Variants in SLC43A3 observed in about 807,000 individuals in gnomAD.
The protein encoded by SLC43A3 is solute carrier family 43 member 3, also known as equilibrative nucleobase transporter 1.
In SLC43A3, 33 loss-of-function variants were observed where a neutral mutation model predicts 53.3. The observed-to-expected ratio is 0.62, with a 90% CI of 0.47 to 0.83. SLC43A3 has a LOEUF of 0.83. SLC43A3 is among the 40% of genes least tolerant of loss of function. The pLI is 0.00. For missense variants in SLC43A3, 530 were observed against 610.0 expected, an observed-to-expected ratio of 0.87 and a Z score of 1.38; for synonymous variants, 236 against 246.2, an observed-to-expected ratio of 0.96 and a Z score of 0.39.
intron 8 of SLC43A3, 74 bp downstream of exon 8, chr11:57,417,674 G>C: frequency 6.4e-7 from 1 of 1,553,878 alleles, no homozygotes; most frequent in Non-Finnish European, 8.8e-7. Context: ...CCTGTGATAG[G>C]TTTGCTTTAC....
At chr11:57,421,418 C>A in intron 5 of SLC43A3, 45 bp from the exon 6 acceptor site, 1 of 1,455,394 alleles carries the variant, frequency 6.9e-7, no homozygotes, top group Non-Finnish European at 9.6e-7. Context: ...TAGTGCAACC[C>A]AAACATGGAG....
chr11:57,408,138 C>G, intron 13 of SLC43A3: 1 of 430,500 alleles, frequency 2.3e-6, no homozygotes, highest in Non-Finnish European at 4.2e-6. Flanking sequence ...GATAAAGAAA[C>G]AGAGGCCTAG....
Position 57,425,593 on chromosome 11 carries a change from T to C in SLC43A3, c.262A>G (p.Thr88Ala). The C allele has an allele frequency of 1.2e-6, 2 of 1,614,112 alleles. No homozygotes were observed. The highest frequency in any genetic ancestry group is 1.7e-6 in the Non-Finnish European group (2 of 1,180,008). ...TTGAACCGGTCAAAGATGTAGCCAGTGGGGAATGTCATGAAGTTGTTCATG... is the reference window on the plus strand; with the variant it reads ...TTGAACCGGTCAAAGATGTAGCCAGCGGGGAATGTCATGAAGTTGTTCATG... ...SFMNNFMTFP[T>A]GYIFDRFKTT... Residue 88 changes from threonine (T) to alanine (A), a missense_variant, in exon 4 of 14, where the codon ACT becomes GCT. Around this residue, in one of 3 missense-constraint regions of SLC43A3, gnomAD observed 376 missense variants for 386.7 expected, o/e 0.97. Coordinates refer to ENST00000395124, the MANE Select transcript of SLC43A3 (RefSeq NM_199329.3).
chr11:57,409,589 G>A (rs1283861875), intron 12 of SLC43A3, among the ~76,000 whole-genome samples: 3 of 152,200 alleles, frequency 2.0e-5, no homozygotes, highest in African/African-American at 4.8e-5. Context: ...GACAATGCAC[G>A]CACTAGCAAA....
chr11:57,425,913 G>GT (rs1943184999), intron 3 of SLC43A3, 76 bp downstream of exon 3: 1 of 1,461,646 alleles, frequency 6.8e-7, no homozygotes, highest in Admixed American at 1.8e-5. Context: ...TGGGCAGGGG[G>GT]CAGAGTCCTT....
intron 5 of SLC43A3, among the ~76,000 whole-genome samples, chr11:57,423,451 TAG>T (rs1565102332): frequency 6.6e-6 from 1 of 152,170 alleles, no homozygotes; most frequent in African/African-American, 2.4e-5. Flanking sequence ...TGTTTTTTGG[TAG>T]AGTCTCACTT....
At chr11:57,415,523 T>A in intron 9 of SLC43A3, 1 of 629,002 alleles carries the variant, frequency 1.6e-6, no homozygotes, top group Non-Finnish European at 2.4e-6. Context: ...GATACCAGTA[T>A]CCTGAGTTTC....
At chr11:57,409,382 C>T (rs564534137) in intron 12 of SLC43A3, 84 bp from the exon 13 acceptor site, 46 of 1,523,602 alleles carry the variant, frequency 3.0e-5, no homozygotes, top group Middle Eastern at 3.9e-4. Context: ...GGCTGTCGGC[C>T]GCTTGTCCCC....
At position 57,426,032 on chromosome 11, in the gene SLC43A3, A is replaced by G. The variant is rs377034856; in HGVS notation, c.141T>C (p.Cys47=). ...FKNEDYFKDL[C]GPDAGPIGNA... ...TGCCAATCGGCCCAGCATCTGGTCCACACAGATCCTTAAAGTAATCTTCAT... is the reference window on the plus strand; with the variant it reads ...TGCCAATCGGCCCAGCATCTGGTCCGCACAGATCCTTAAAGTAATCTTCAT... The change falls in exon 3 of 14, where the codon TGT becomes TGC. Residue 47 remains cysteine (C), a synonymous_variant. Coordinates refer to ENST00000395124, the MANE Select transcript of SLC43A3 (RefSeq NM_199329.3). The G allele has an allele frequency of 1.2e-6, 2 of 1,614,140 alleles. No homozygotes were observed. The highest frequency in any genetic ancestry group is 2.7e-5 in the African/African-American group (2 of 74,956).
intron 11 of SLC43A3, among the ~76,000 whole-genome samples, chr11:57,413,135 G>A (rs1443203707): frequency 1.3e-5 from 2 of 150,914 alleles, no homozygotes; most frequent in Non-Finnish European, 2.9e-5. Context: ...AAATACCCAA[G>A]GAAAGGAATA....
intron 9 of SLC43A3, 33 bp downstream of exon 9, chr11:57,416,540 T>A (rs371794357): frequency 1.3e-5 from 20 of 1,561,004 alleles, no homozygotes; most frequent in Non-Finnish European, 1.6e-5. Context: ...GGCTTGGGTC[T>A]GGAGGAGAGA....
At chr11:57,422,909 T>C (rs1943049621) in intron 5 of SLC43A3, among the ~76,000 whole-genome samples, 1 of 152,224 alleles carries the variant, frequency 6.6e-6, no homozygotes, top group African/African-American at 2.4e-5. Flanking sequence ...GCCTCTGTGT[T>C]TGCCCAGCAT....
intron 13 of SLC43A3, 169 bp from the exon 14 acceptor site, chr11:57,408,065 TCA>T (rs1382482729): frequency 1.7e-6 from 1 of 573,956 alleles, no homozygotes; most frequent in African/African-American, 1.9e-5. Context: ...GGAAGGACTT[TCA>T]GTTACTTTTC....
chr11:57,413,513 C>T (rs899616824), intron 11 of SLC43A3, among the ~76,000 whole-genome samples: 9 of 152,074 alleles, frequency 5.9e-5, no homozygotes, highest in Admixed American at 2.0e-4. Flanking sequence ...TGAAATGATA[C>T]GATGTCTGAG....
At chr11:57,421,453 C>A in intron 5 of SLC43A3, 80 bp from the exon 6 acceptor site, 1 of 1,013,096 alleles carries the variant, frequency 9.9e-7, no homozygotes, top group Non-Finnish European at 1.5e-6. Flanking sequence ...CCCACCTGCT[C>A]CAAATTCCCA....
intron 3 of SLC43A3, 135 bp from the exon 4 acceptor site, chr11:57,425,805 CT>C: frequency 1.4e-6 from 2 of 1,452,760 alleles, no homozygotes; most frequent in Non-Finnish European, 9.3e-7. Flanking sequence ...GTGGCTGCCC[CT>C]AATTACCCCT....
chr11:57,410,215 A>G (rs1942389789), intron 11 of SLC43A3, 94 bp from the exon 12 acceptor site: 2 of 1,023,040 alleles, frequency 2.0e-6, no homozygotes, highest in African/African-American at 1.6e-5. Flanking sequence ...GGGAGGAGCC[A>G]CTATCCATCC....
At position 57,419,814 on chromosome 11, in the gene SLC43A3, A is replaced by AG. The variant is rs1471350597; in HGVS notation, c.531+1157_531+1158insC. ...CCAACTCAATAATAAAAAAAAAAAA[A>AG]AAAGAGAGAGGAAAGAAAGATGAGG... is the stretch of plus-strand genomic sequence containing the variant. On this transcript the variant is annotated intron_variant, in intron 7 of 13. Coordinates refer to ENST00000395124, the MANE Select transcript of SLC43A3 (RefSeq NM_199329.3). Among the ~76,000 whole-genome samples, 79 of 110,242 alleles carry AG rather than the reference A, an allele frequency of 7.2e-4. 1 individual carries two copies. Among genetic ancestry groups the AG allele is most frequent in the Admixed American group, 6.9e-3 (57 of 8,304 alleles). 72.3% of individuals were successfully genotyped at this position (110,242 alleles called of 152,430 possible). A position where few individuals can be genotyped will look rare whatever the true frequency, so the allele number is the denominator to read the frequency against.
chr11:57,418,009 G>T, intron 7 of SLC43A3, 122 bp from the exon 8 acceptor site: 1 of 837,688 alleles, frequency 1.2e-6, no homozygotes, highest in Non-Finnish European at 1.9e-6. Context: ...AACATAATGT[G>T]ATCTATACAC....
Sources: allele counts gnomAD v4.1 joint callset (sites outside exome capture counted in the v4.1 genomes callset), GRCh38; gene constraint gnomAD v4.1.1; regional missense constraint gnomAD v4.1.1; transcripts MANE v1.5; gene names NCBI Gene and HGNC (gene_info 2026-07-23, HGNC 2026-07-21).